LRIG1: variants seen among roughly 807,000 people sequenced by gnomAD.
The protein encoded by LRIG1 is leucine-rich repeats and immunoglobulin-like domains protein 1.
A neutral mutation model predicts 99.2 loss-of-function variants in LRIG1; 48 were observed. The observed-to-expected ratio is 0.48, with a 90% CI of 0.38 to 0.62. LRIG1 has a LOEUF of 0.62. Ranked by LOEUF, LRIG1 falls within the 20% of genes least tolerant of loss-of-function variation. The probability of loss-of-function intolerance (pLI) is 0.00; values close to 1 mark genes in which losing one functional copy is unlikely to be tolerated. For synonymous variants in LRIG1, 772 were observed against 596.1 expected, an observed-to-expected ratio of 1.29 and a Z score of -4.30; for missense variants, 1,646 against 1,434.4, an observed-to-expected ratio of 1.15 and a Z score of -2.38.
At chr3:66,492,233 T>C (rs1701117696) in intron 1 of LRIG1, among the ~76,000 whole-genome samples, 1 of 152,232 alleles carries the variant, frequency 6.6e-6, no homozygotes, top group African/African-American at 2.4e-5. Flanking sequence ...TCATTGCATT[T>C]AACAGGCTAT....
intron 3 of LRIG1, among the ~76,000 whole-genome samples, chr3:66,421,222 A>T (rs993011900): frequency 2.0e-5 from 3 of 152,102 alleles, no homozygotes; most frequent in African/African-American, 7.2e-5. Context: ...ACATCCTCAC[A>T]TTTCAAAACC....
chr3:66,403,231 T>C (rs1702131762), intron 9 of LRIG1, among the ~76,000 whole-genome samples: 1 of 152,158 alleles, frequency 6.6e-6, no homozygotes, highest in Non-Finnish European at 1.5e-5. Flanking sequence ...CATCATACCA[T>C]TTTCTTTATC....
chr3:66,444,853 C>T (rs1321445147), intron 3 of LRIG1, among the ~76,000 whole-genome samples: 1 of 149,252 alleles, frequency 6.7e-6, no homozygotes, highest in African/African-American at 2.5e-5. Context: ...CAGAAGAGGA[C>T]CAGAACTTTA....
At chr3:66,480,567 A>G (rs1700825792) in intron 1 of LRIG1, among the ~76,000 whole-genome samples, 1 of 152,136 alleles carries the variant, frequency 6.6e-6, no homozygotes, top group South Asian at 2.1e-4. Flanking sequence ...AGAAATGCAG[A>G]AAGAACTGCC....
At chr3:66,451,343 C>A (rs1423378904) in intron 3 of LRIG1, among the ~76,000 whole-genome samples, 5 of 151,482 alleles carry the variant, frequency 3.3e-5, no homozygotes, top group Admixed American at 6.6e-5. Flanking sequence ...TACTTTCTTG[C>A]AAATTAAAGA....
chr3:66,406,715 TC>T (rs1223478937), intron 8 of LRIG1, among the ~76,000 whole-genome samples: 2 of 152,282 alleles, frequency 1.3e-5, no homozygotes, highest in East Asian at 3.9e-4. Context: ...CAGAAAAGCA[TC>T]CTGCAGCCAC....
chr3:66,385,971 G>A lies in LRIG1; in HGVS notation c.1789+10C>T. 1.2e-6 allele frequency: 2 copies of A among 1,609,706 alleles called. No individual in the cohort carries two copies. The highest frequency in any genetic ancestry group is 1.7e-6 in the Non-Finnish European group (2 of 1,176,808). On this transcript the variant is annotated intron_variant, in intron 13 of 18. Transcript: ENST00000273261. ...ATTCTGGTACTATAACAAAGATGGT[G>A]TTTCCATACCATTCACGGTGAGCCT...
intron 2 of LRIG1, among the ~76,000 whole-genome samples, chr3:66,457,734 G>A (rs868522773): frequency 1.2e-4 from 18 of 152,180 alleles, no homozygotes; most frequent in South Asian, 2.1e-4. Context: ...GAAATCAAAC[G>A]TGAGTCTATT....
Position 66,417,241 on chromosome 3 carries a change from C to T in LRIG1, c.391G>A (p.Glu131Lys). 1.2e-6 allele frequency: 2 copies of T among 1,614,134 alleles called. No individual in the cohort carries two copies. The highest frequency in any genetic ancestry group is 1.7e-6 in the Non-Finnish European group (2 of 1,180,012). Residue 131 changes from glutamate to lysine, a missense_variant, in exon 4 of 19, where the codon GAG (glutamate) becomes AAG (lysine). Transcript: ENST00000273261. ...FLQHNKIRSV[E>K]GSQLKAYLSL... is the part of the protein sequence containing the mutation. Reference sequence around the variant, plus strand: ...AGGTAGGCCTTCAGCTGGCTCCCCTCCACGCTGCGAATCTTGTTGTGCTGC... The same window carrying T: ...AGGTAGGCCTTCAGCTGGCTCCCCTTCACGCTGCGAATCTTGTTGTGCTGC...
intron 1 of LRIG1, among the ~76,000 whole-genome samples, chr3:66,489,906 AC>A (rs1369702556): frequency 6.6e-6 from 1 of 152,074 alleles, no homozygotes; most frequent in Non-Finnish European, 1.5e-5. Context: ...TTGGGCAAGC[AC>A]CCCTTTAAGA....
At chr3:66,385,386 C>G (rs1701323196) in intron 13 of LRIG1, among the ~76,000 whole-genome samples, 1 of 152,220 alleles carries the variant, frequency 6.6e-6, no homozygotes, top group Non-Finnish European at 1.5e-5. Context: ...GAAGCCAGAT[C>G]TCTTGGCTTA....
intron 1 of LRIG1, among the ~76,000 whole-genome samples, chr3:66,472,485 T>C (rs1231038048): frequency 2.0e-5 from 3 of 152,096 alleles, no homozygotes; most frequent in Non-Finnish European, 4.4e-5. Context: ...TACACTGAAA[T>C]GATTCACCAC....
intron 3 of LRIG1, among the ~76,000 whole-genome samples, chr3:66,440,628 C>T (rs1206924387): frequency 6.6e-5 from 10 of 152,170 alleles, no homozygotes; most frequent in Admixed American, 6.5e-4. Flanking sequence ...AGCAATGCCC[C>T]TCAGAGCACA....
At chr3:66,408,961 T>TGTG (rs1434233261) in intron 7 of LRIG1, among the ~76,000 whole-genome samples, 12 of 8,078 alleles carry the variant, frequency 1.5e-3, no homozygotes, top group East Asian at 3.0e-3. Flanking sequence ...TGTGTGTGTG[T>TGTG]GGTGGGGGGA....
intron 1 of LRIG1, among the ~76,000 whole-genome samples, chr3:66,481,041 T>G (rs918028097): frequency 2.0e-5 from 3 of 152,050 alleles, no homozygotes; most frequent in Admixed American, 6.5e-5. Context: ...AGATTAAAAT[T>G]TGTTGAAGTT....
chr3:66,386,012 G>C lies in LRIG1; in HGVS notation c.1758C>G (p.Thr586=), dbSNP rs1408069629. 3 of 1,614,200 alleles carry C rather than the reference G, an allele frequency of 1.9e-6. No homozygotes were observed. The highest frequency in any genetic ancestry group is 1.7e-6 in the Non-Finnish European group (2 of 1,180,036). Residue 586 remains threonine, a synonymous_variant, in exon 13 of 19, where the codon ACC becomes ACG. Coordinates refer to ENST00000273261, the MANE Select transcript of LRIG1 (RefSeq NM_015541.3). ...CGGTGAGCCTGGCCTTATGTGAATA[G>C]GTGGAGCCAAAGTGGTTGGTGATGA... is the stretch of plus-strand genomic sequence containing the variant. ...QCVITNHFGS[T]YSHKARLTVN...
chr3:66,452,636 T>C (rs978682441), intron 2 of LRIG1, among the ~76,000 whole-genome samples: 2 of 152,166 alleles, frequency 1.3e-5, no homozygotes, highest in Non-Finnish European at 2.9e-5. Context: ...CTGTTTCTGT[T>C]TGAAGACAAA....
chr3:66,432,677 T>C (rs1227626146), intron 3 of LRIG1, among the ~76,000 whole-genome samples: 1 of 151,986 alleles, frequency 6.6e-6, no homozygotes, highest in African/African-American at 2.4e-5. Flanking sequence ...GGAACAGGAA[T>C]CCATATCCCA....
chr3:66,444,117 G>A (rs113574782), intron 3 of LRIG1, among the ~76,000 whole-genome samples: 5 of 152,280 alleles, frequency 3.3e-5, no homozygotes, highest in Admixed American at 6.5e-5. Flanking sequence ...GACTCCTGCC[G>A]GGGGAGAGGG....
Sources: allele counts gnomAD v4.1 joint callset (sites outside exome capture counted in the v4.1 genomes callset), GRCh38; gene constraint gnomAD v4.1.1; transcripts MANE v1.5; gene names NCBI Gene and HGNC (gene_info 2026-07-23, HGNC 2026-07-21).